The following EYA2 variants were observed in gnomAD, a reference collection of about 807,000 sequenced individuals.
EYA2 encodes protein phosphatase EYA2.
EYA2 carries 31 observed loss-of-function variants against 69.2 expected under a neutral mutation model. The observed-to-expected ratio is 0.45, with a 90% CI of 0.34 to 0.60. The LOEUF is 0.60. EYA2 is among the 20% of genes least tolerant of loss of function. The pLI is 0.02. For missense variants in EYA2, 622 were observed against 701.2 expected (o/e 0.89, Z 1.28); for synonymous variants, 257 against 279.4 (o/e 0.92, Z 0.80).
intron 7 of EYA2, among the ~76,000 whole-genome samples, chr20:47,083,246 G>A (rs903756180): frequency 6.6e-6 from 1 of 152,086 alleles, no homozygotes; most frequent in Non-Finnish European, 1.5e-5. Context: ...TTTGACAAAA[G>A]ACAATTCAAT....
intron 5 of EYA2, among the ~76,000 whole-genome samples, chr20:47,036,609 A>G (rs1179264101): frequency 6.6e-6 from 1 of 152,252 alleles, no homozygotes; most frequent in African/African-American, 2.4e-5. Context: ...GGAAATGCAT[A>G]TAAGAGCATG....
At chr20:46,990,372 G>A (rs1345175198) in intron 2 of EYA2, among the ~76,000 whole-genome samples, 3 of 152,192 alleles carry the variant, frequency 2.0e-5, no homozygotes, top group African/African-American at 7.2e-5. Context: ...TCCAAGAAAT[G>A]CTGACACCAC....
At chr20:47,074,727 A>G (rs530626096) in intron 7 of EYA2, among the ~76,000 whole-genome samples, 20 of 152,308 alleles carry the variant, frequency 1.3e-4, no homozygotes, top group South Asian at 1.0e-3. Flanking sequence ...TTTAGAAAGG[A>G]CACACCCAAT....
At chr20:46,925,099 C>T (rs1222330245) in intron 1 of EYA2, among the ~76,000 whole-genome samples, 1 of 152,186 alleles carries the variant, frequency 6.6e-6, no homozygotes, top group Non-Finnish European at 1.5e-5. Flanking sequence ...ATCACATGGC[C>T]TTGTCCCTGT....
intron 1 of EYA2, among the ~76,000 whole-genome samples, chr20:46,898,277 TG>T (rs1983911061): frequency 6.6e-6 from 1 of 151,352 alleles, no homozygotes; most frequent in Non-Finnish European, 1.5e-5. Flanking sequence ...TGGTTGTTTT[TG>T]TTTTTGTTTT....
rs2146685854 is a variant in EYA2, at chr20:47,188,076, A to G, written c.1560A>G (p.Ile520Met). Residue 520 changes from isoleucine to methionine, a missense_variant, in exon 16 of 16, where the codon ATA becomes ATG. By Grantham distance (10) the Ile-to-Met change is conservative (BLOSUM62 1). Around this residue, in one of 2 missense-constraint regions of EYA2, gnomAD observed 257 missense variants for 351.5 expected, o/e 0.73. Transcript: ENST00000327619. ...AKKHNMPFWR[I>M]SCHADLEALR... ...AGCACAACATGCCTTTCTGGCGGAT[A>G]TCCTGCCACGCAGACCTGGAGGCAC... is the stretch of plus-strand genomic sequence containing the variant. 1 of 1,581,840 alleles carries G rather than the reference A, an allele frequency of 6.3e-7. No individual in the cohort carries two copies. The highest frequency in any genetic ancestry group is 8.6e-7 in the Non-Finnish European group (1 of 1,163,914).
At chr20:47,184,871 A>C (rs1568834661) in intron 15 of EYA2, among the ~76,000 whole-genome samples, 1 of 152,152 alleles carries the variant, frequency 6.6e-6, no homozygotes, top group Non-Finnish European at 1.5e-5. Flanking sequence ...GTTGGTTTTC[A>C]CCCCTGAGCT....
At chr20:47,164,709 C>T (rs910192052) in intron 10 of EYA2, among the ~76,000 whole-genome samples, 1 of 152,014 alleles carries the variant, frequency 6.6e-6, no homozygotes, top group Admixed American at 6.5e-5. Flanking sequence ...AAGCAAGCCC[C>T]GTAGAGATGG....
In EYA2 at chr20:47,180,802, C is replaced by A; in HGVS notation, c.1314-13C>A. ...CCCTCTGAGTTCTGATCCACAGTCT[C>A]CTTTGTCCTTAGGCCCAACTGTGTC... On this transcript the variant is annotated splice_polypyrimidine_tract_variant and intron_variant, in intron 13 of 15. Coordinates refer to ENST00000327619, the MANE Select transcript of EYA2 (RefSeq NM_005244.5). 6.2e-7 allele frequency: 1 copy of A among 1,613,450 alleles called. No individual in the cohort carries two copies. Among genetic ancestry groups the A allele is most frequent in the African/African-American group, 1.3e-5 (1 of 75,036 alleles).
At chr20:47,074,114 A>T (rs748438074) in intron 6 of EYA2, 44 bp from the exon 7 acceptor site, 18 of 1,519,104 alleles carry the variant, frequency 1.2e-5, no homozygotes, top group Middle Eastern at 1.8e-4. Context: ...CGAGCCCAGA[A>T]AGGCTTCCTC....
At chr20:46,927,474 G>T (rs1488340148) in intron 1 of EYA2, among the ~76,000 whole-genome samples, 2 of 152,286 alleles carry the variant, frequency 1.3e-5, no homozygotes, top group Admixed American at 1.3e-4. Flanking sequence ...AGAAAAAGAG[G>T]TTTAATGGAC....
intron 7 of EYA2, among the ~76,000 whole-genome samples, chr20:47,080,762 C>T (rs1446869658): frequency 1.3e-5 from 2 of 152,004 alleles, no homozygotes; most frequent in East Asian, 1.9e-4. Context: ...TCACATCTTA[C>T]GTGGATGGCA....
intron 5 of EYA2, among the ~76,000 whole-genome samples, chr20:47,048,353 T>C (rs1163947142): frequency 6.6e-6 from 1 of 152,200 alleles, no homozygotes; most frequent in African/African-American, 2.4e-5. Flanking sequence ...AAACTGGGCC[T>C]GATTTGCCAG....
At chr20:47,030,346 A>T (rs906914725) in intron 5 of EYA2, among the ~76,000 whole-genome samples, 5 of 152,222 alleles carry the variant, frequency 3.3e-5, no homozygotes, top group African/African-American at 1.2e-4. Context: ...TACTGCAGCC[A>T]CCCAACCACT....
chr20:47,180,003 G>T, intron 13 of EYA2, 91 bp downstream of exon 13: 1 of 886,500 alleles, frequency 1.1e-6, no homozygotes, highest in Non-Finnish European at 1.8e-6. Context: ...GGGAGAATTG[G>T]ACTCCTCAAA....
chr20:47,168,548 A>G (rs2034253657), intron 10 of EYA2, among the ~76,000 whole-genome samples: 1 of 151,972 alleles, frequency 6.6e-6, no homozygotes, highest in Admixed American at 6.5e-5. Flanking sequence ...TGAGTGGGAA[A>G]CAGCATGGCA....
intron 1 of EYA2, among the ~76,000 whole-genome samples, chr20:46,960,176 A>G (rs1979387142): frequency 6.6e-6 from 1 of 152,168 alleles, no homozygotes; most frequent in South Asian, 2.1e-4. Flanking sequence ...CTTACTATGC[A>G]CCAACAAAGC....
intron 9 of EYA2, among the ~76,000 whole-genome samples, chr20:47,109,758 A>G (rs1312369458): frequency 6.6e-6 from 1 of 152,176 alleles, no homozygotes; most frequent in South Asian, 2.1e-4. Context: ...TTTTAACCAG[A>G]GGAAGTTTTG....
intron 9 of EYA2, among the ~76,000 whole-genome samples, chr20:47,103,701 C>G (rs1439826564): frequency 6.6e-6 from 1 of 152,128 alleles, no homozygotes; most frequent in Admixed American, 6.5e-5. Flanking sequence ...GGGAAACCAC[C>G]CCTATGATCC....
Sources: allele counts gnomAD v4.1 joint callset (sites outside exome capture counted in the v4.1 genomes callset), GRCh38; gene constraint gnomAD v4.1.1; regional missense constraint gnomAD v4.1.1; transcripts MANE v1.5; gene names NCBI Gene and HGNC (gene_info 2026-07-23, HGNC 2026-07-21).